Variants in SERPINB7 observed in about 807,000 individuals in gnomAD.
SERPINB7 encodes serpin family B member 7.
A neutral mutation model predicts 37.4 loss-of-function variants in SERPINB7; 31 were observed. The ratio of observed to expected loss-of-function variants is 0.83; its 90% CI spans 0.62 to 1.12. The LOEUF is 1.12. Ranked by LOEUF, SERPINB7 falls within the 50% of genes most tolerant of loss-of-function variation. The pLI is 0.00. For missense variants in SERPINB7, 521 were observed against 455.3 expected (o/e 1.14, Z -1.31); for synonymous variants, 163 against 166.1 (o/e 0.98, Z 0.14).
chr18:63,779,484 C>G (rs2049281195), intron 1 of SERPINB7, among the ~76,000 whole-genome samples: 1 of 152,046 alleles, frequency 6.6e-6, no homozygotes, highest in Non-Finnish European at 1.5e-5. Context: ...ATGGAACATA[C>G]TTTTTGGTAT....
chr18:63,763,167 C>T (rs1045148313), intron 1 of SERPINB7, among the ~76,000 whole-genome samples: 2 of 152,054 alleles, frequency 1.3e-5, no homozygotes, highest in Non-Finnish European at 2.9e-5. Flanking sequence ...CTCTGCTTTT[C>T]GTAATCAAAG....
At chr18:63,783,437 G>T (rs918153117) in intron 2 of SERPINB7, among the ~76,000 whole-genome samples, 2 of 152,086 alleles carry the variant, frequency 1.3e-5, no homozygotes, top group Non-Finnish European at 2.9e-5. Context: ...GTTGAGATAG[G>T]AGAGTTAGAA....
chr18:63,798,821 T>C (rs180813090), intron 6 of SERPINB7, 75 bp downstream of exon 6: 2 of 1,437,660 alleles, frequency 1.4e-6, no homozygotes, highest in African/African-American at 1.4e-5. Context: ...GATAGTTACA[T>C]AGTAAACTCT....
intron 1 of SERPINB7, among the ~76,000 whole-genome samples, chr18:63,763,297 C>CAA (rs2049164320): frequency 6.6e-6 from 1 of 152,092 alleles, no homozygotes; most frequent in Non-Finnish European, 1.5e-5. Context: ...ACTATGCTAA[C>CAA]CAATGGAAAC....
intron 1 of SERPINB7, among the ~76,000 whole-genome samples, chr18:63,757,247 CA>C (rs2049127565): frequency 6.6e-6 from 1 of 152,064 alleles, no homozygotes; most frequent in Non-Finnish European, 1.5e-5. Flanking sequence ...CTTATAAAGC[CA>C]AAAAATGGTG....
intron 2 of SERPINB7, among the ~76,000 whole-genome samples, chr18:63,787,881 A>G (rs1191265565): frequency 6.6e-6 from 1 of 152,206 alleles, no homozygotes; most frequent in Non-Finnish European, 1.5e-5. Flanking sequence ...CCGTCAAATT[A>G]TAATGAAACT....
intron 1 of SERPINB7, among the ~76,000 whole-genome samples, chr18:63,776,347 C>T (rs961591080): frequency 2.0e-5 from 3 of 151,956 alleles, no homozygotes; most frequent in African/African-American, 4.8e-5. Flanking sequence ...CAGTTATATC[C>T]GTGGCTTAGT....
At chr18:63,754,443 G>A (rs2049108891) in intron 1 of SERPINB7, among the ~76,000 whole-genome samples, 1 of 152,206 alleles carries the variant, frequency 6.6e-6, no homozygotes, top group Admixed American at 6.5e-5. Flanking sequence ...CATAGGTAAT[G>A]CTGAGGAGAA....
chr18:63,773,652 A>G (rs2049224578), upstream of SERPINB7, among the ~76,000 whole-genome samples: 2 of 152,128 alleles, frequency 1.3e-5, no homozygotes, highest in South Asian at 4.1e-4. Context: ...ATTACAGTTC[A>G]TGTTTCCTCA....
chr18:63,792,534 G>T, intron 3 of SERPINB7, 91 bp downstream of exon 3: 1 of 833,304 alleles, frequency 1.2e-6, no homozygotes, highest in South Asian at 1.6e-5. Context: ...AGGCTGAGGC[G>T]GGTGGATGAC....
chr18:63,801,111 G>T, intron 7 of SERPINB7, 99 bp downstream of exon 7: 1 of 1,183,168 alleles, frequency 8.5e-7, no homozygotes, highest in Non-Finnish European at 1.2e-6. Context: ...AGGGTATTGA[G>T]ATACTAGAGA....
At position 63,804,179 on chromosome 18, in the gene SERPINB7, T is replaced by C. The variant is rs1363710429; in HGVS notation, c.745-58T>C. 3.2e-6 allele frequency: 4 copies of C among 1,247,762 alleles called. No homozygotes were observed. In the South Asian group the frequency reaches 4.5e-5, roughly 14 times the overall value. The allele number at this position is 1,247,762 out of a possible 1,614,324, so 77.3% of individuals were successfully genotyped here. On this transcript the variant is annotated intron_variant, in intron 7 of 7. Transcript: ENST00000398019. Reference sequence around the variant, plus strand: ...AGAAAACTATGTATCTCTGTAGCTATTGTTTTATCTATCACTTGACCATAT... The same window carrying C: ...AGAAAACTATGTATCTCTGTAGCTACTGTTTTATCTATCACTTGACCATAT...
chr18:63,753,322 A>G (rs1054936376), intron 1 of SERPINB7, among the ~76,000 whole-genome samples: 4 of 152,154 alleles, frequency 2.6e-5, no homozygotes, highest in African/African-American at 9.7e-5. Flanking sequence ...TGTTCTCCAC[A>G]TGGTTGTTGT....
intron 1 of SERPINB7, among the ~76,000 whole-genome samples, chr18:63,757,067 T>A (rs929700642): frequency 6.6e-6 from 1 of 152,214 alleles, no homozygotes; most frequent in East Asian, 1.9e-4. Context: ...TTTAATAGAG[T>A]TGTTTGTTTT....
chr18:63,783,172 T>TAAAG (rs1162171688), intron 2 of SERPINB7, among the ~76,000 whole-genome samples: 55 of 68,882 alleles, frequency 8.0e-4, no homozygotes, highest in African/African-American at 2.8e-3. Context: ...AAAAAGAAAA[T>TAAAG]AAAGAAAGAA....
chr18:63,775,266 A>T (rs1035308619), upstream of SERPINB7: 2 of 152,158 alleles, frequency 1.3e-5, no homozygotes, highest in Non-Finnish European at 2.9e-5. Context: ...CTGAAATCTG[A>T]TTCACATACA....
Position 63,783,288 on chromosome 18 carries a change from AAGAAAG to A in SERPINB7, c.168+750_168+755del, listed in dbSNP as rs1471140238. Among the ~76,000 whole-genome samples the A allele has an allele frequency of 9.4e-5, 14 of 149,300 alleles. No homozygotes were observed. In the South Asian group the frequency reaches 2.7e-3, roughly 29 times the overall value. On this transcript the variant is annotated intron_variant, in intron 2 of 7. Transcript: ENST00000398019. ...AAAGAAAGAAAGAAAGAAAGAAAGA[AAGAAAG>A]AAATGCAAATGCTTGGGCTCTACCC...
intron 1 of SERPINB7, among the ~76,000 whole-genome samples, chr18:63,769,897 C>T (rs2049200716): frequency 6.6e-6 from 1 of 151,634 alleles, no homozygotes; most frequent in Admixed American, 6.6e-5. Flanking sequence ...GGAAGGGGTG[C>T]TACACTTTTG....
At position 63,804,288 on chromosome 18, in the gene SERPINB7, C is replaced by T. The variant is rs142859678; in HGVS notation, c.796C>T (p.Arg266Ter). The T allele has an allele frequency of 2.5e-4, 402 of 1,605,018 alleles. No individual in the cohort carries two copies. The East Asian group carries it at 7.7e-3, about 31-fold the overall frequency. The change falls in exon 8 of 8, where the codon CGA (arginine) becomes TGA (stop). Residue 266 changes from arginine (R) to a stop codon, truncating the protein, a stop_gained. Coordinates refer to ENST00000398019, the MANE Select transcript of SERPINB7 (RefSeq NM_003784.4). LOFTEE classifies it high-confidence loss of function. ...TCTAATGGAATGGACCAATCCAAGG[C>T]GAATGACCTCTAAGTATGTTGAGGT... ...QNLMEWTNPR[R>*]MTSKYVEVFF... is the part of the protein sequence containing the mutation.
Sources: gnomAD v4.1 joint callset for allele counts (sites outside exome capture counted in the v4.1 genomes callset) on GRCh38, gnomAD v4.1.1 for gene constraint, MANE v1.5 for transcripts, NCBI Gene and HGNC (gene_info 2026-07-23, HGNC 2026-07-21) for gene names.